The following RTKN2 variants were observed in gnomAD, a reference collection of about 807,000 sequenced individuals.
RTKN2 encodes the protein rhotekin-2.
In RTKN2, 69 loss-of-function variants were observed where a neutral mutation model predicts 71.5. The ratio of observed to expected loss-of-function variants is 0.96; its 90% CI spans 0.79 to 1.18. The LOEUF is 1.18. Ranked by LOEUF, RTKN2 falls within the 50% of genes most tolerant of loss-of-function variation. The probability of loss-of-function intolerance (pLI) is 0.00; values close to 1 mark genes in which losing one functional copy is unlikely to be tolerated. For missense variants in RTKN2, 724 were observed against 719.7 expected (o/e 1.01, Z -0.07); for synonymous variants, 236 against 236.5 (o/e 1.00, Z 0.02).
chr10:62,259,395 G>A (rs923510182), intron 2 of RTKN2: 1 of 236,392 alleles, frequency 4.2e-6, no homozygotes, highest in Non-Finnish European at 8.8e-6. Flanking sequence ...ACCTGGAAAG[G>A]CTGTTAATTA....
intron 10 of RTKN2, among the ~76,000 whole-genome samples, chr10:62,203,239 T>TTTAGTAAAA (rs1192012898): frequency 3.9e-5 from 6 of 152,196 alleles, no homozygotes; most frequent in Non-Finnish European, 7.4e-5. Context: ...ATAAGACGGA[T>TTTAGTAAAA]TCTCTAAGAC....
At position 62,194,773 on chromosome 10, in the gene RTKN2, G is replaced by GT. The variant is rs373260799; in HGVS notation, c.*3134dup. On this transcript the variant is annotated 3_prime_UTR_variant, in exon 12 of 12. Transcript: ENST00000373789. ...GACTGCTTAACCTACCTTACGTGAG[G>GT]TATCTCTAATTCAAGACAGCTTCCA... 7.3e-5 allele frequency: 72 copies of GT among 985,262 alleles called. No individual in the cohort carries two copies. The African/African-American group carries it at 1.2e-3, about 16-fold the overall frequency. 61.0% of individuals were successfully genotyped at this position (985,262 alleles called of 1,614,324 possible). A position where few individuals can be genotyped will look rare whatever the true frequency, so the allele number is the denominator to read the frequency against.
At chr10:62,201,875 A>C (rs1309181553) in intron 10 of RTKN2, among the ~76,000 whole-genome samples, 1 of 152,178 alleles carries the variant, frequency 6.6e-6, no homozygotes, top group Non-Finnish European at 1.5e-5. Context: ...ATGATAGCCA[A>C]TATGCTAACA....
chr10:62,224,940 G>A (rs937293088), intron 6 of RTKN2, among the ~76,000 whole-genome samples: 7 of 151,994 alleles, frequency 4.6e-5, no homozygotes, highest in Non-Finnish European at 1.0e-4. Flanking sequence ...GAAGAGGAGT[G>A]GATTTAATTC....
chr10:62,204,720 T>C (rs1841512457), intron 10 of RTKN2, 137 bp downstream of exon 10: 1 of 549,738 alleles, frequency 1.8e-6, no homozygotes, highest in Non-Finnish European at 3.1e-6. Flanking sequence ...CATCAGTGCA[T>C]TGATGATATA....
At chr10:62,184,302 C>T in exon 9 of RTKN2, 1 of 1,477,100 alleles carries the variant, frequency 6.8e-7, no homozygotes, top group Non-Finnish European at 9.2e-7. Context: ...CACACTGGTT[C>T]TAATGAAGTA....
At chr10:62,241,947 C>T (rs1039718362) in intron 3 of RTKN2, among the ~76,000 whole-genome samples, 2 of 152,040 alleles carry the variant, frequency 1.3e-5, no homozygotes, top group Non-Finnish European at 2.9e-5. Flanking sequence ...GATCCGCCTG[C>T]CTAGGCCTCC....
At chr10:62,199,933 A>T in intron 10 of RTKN2, 72 bp from the exon 11 acceptor site, 1 of 934,072 alleles carries the variant, frequency 1.1e-6, no homozygotes, top group Admixed American at 2.2e-5. Flanking sequence ...TTTTTAATAG[A>T]TAGCAATACA....
Position 62,210,225 on chromosome 10 carries a change from A to G in RTKN2, c.1021-5203T>C, listed in dbSNP as rs560192487. Among the ~76,000 whole-genome samples, 6 of 152,340 alleles carry G rather than the reference A, an allele frequency of 3.9e-5. No homozygotes were observed. In the South Asian group the frequency reaches 1.2e-3, roughly 32 times the overall value. Reference sequence around the variant, plus strand: ...AAAGACTGCCTGGATTTTTAACGATATATTAACTACATATAATTATATCTA... The same window carrying G: ...AAAGACTGCCTGGATTTTTAACGATGTATTAACTACATATAATTATATCTA... On this transcript the variant is annotated intron_variant, in intron 9 of 11. Transcript: ENST00000373789.
intron 4 of RTKN2, among the ~76,000 whole-genome samples, chr10:62,240,039 T>C (rs1842341361): frequency 6.6e-6 from 1 of 152,144 alleles, no homozygotes; most frequent in Non-Finnish European, 1.5e-5. Context: ...ATTTTATTCC[T>C]ATTAAACTTC....
intron 6 of RTKN2, among the ~76,000 whole-genome samples, chr10:62,227,810 G>A (rs978203340): frequency 6.6e-6 from 1 of 152,186 alleles, no homozygotes; most frequent in African/African-American, 2.4e-5. Context: ...ATAGAACGGT[G>A]GTGGTGGGGT....
chr10:62,220,597 T>C (rs1414565402), intron 7 of RTKN2, among the ~76,000 whole-genome samples: 1 of 152,090 alleles, frequency 6.6e-6, no homozygotes, highest in Non-Finnish European at 1.5e-5. Context: ...AAGACTAACA[T>C]AGGTTTAACA....
chr10:62,185,251 G>A (rs1410061396), intron 8 of RTKN2, among the ~76,000 whole-genome samples: 1 of 151,588 alleles, frequency 6.6e-6, no homozygotes, highest in Non-Finnish European at 1.5e-5. Flanking sequence ...AAGTTGACTG[G>A]TACTCAGGCA....
At chr10:62,188,914 A>AT (rs1383366786), downstream of RTKN2, among the ~76,000 whole-genome samples, 1 of 151,356 alleles carries the variant, frequency 6.6e-6, no homozygotes, top group African/African-American at 2.4e-5. Flanking sequence ...CGCCTGGCTA[A>AT]TTTTTTGTAT....
Position 62,204,855 on chromosome 10 carries a change from A to T in RTKN2, c.1186+2T>A, listed in dbSNP as rs1415726719. The T allele has an allele frequency of 6.4e-7, 1 of 1,557,350 alleles. No homozygotes were observed. The highest frequency in any genetic ancestry group is 8.6e-7 in the Non-Finnish European group (1 of 1,158,410). On this transcript the variant is annotated splice_donor_variant, in intron 10 of 11. Coordinates refer to ENST00000373789, the MANE Select transcript of RTKN2 (RefSeq NM_145307.4). LOFTEE classifies it high-confidence loss of function. ...ACTAAAAAAATCCAAATATCTATTT[A>T]CTAAGATCAAAGAAATGCTGCCAGA...
At chr10:62,185,843 A>G (rs1841127023) in intron 8 of RTKN2, among the ~76,000 whole-genome samples, 1 of 152,056 alleles carries the variant, frequency 6.6e-6, no homozygotes, top group Non-Finnish European at 1.5e-5. Context: ...GCCCAGAACA[A>G]CCTCTGGGGT....
At chr10:62,218,442 AT>A (rs1306460485) in intron 7 of RTKN2, 141 bp from the exon 8 acceptor site, 6 of 570,842 alleles carry the variant, frequency 1.1e-5, no homozygotes, top group Non-Finnish European at 1.8e-5. Context: ...TCATGTAAAG[AT>A]TCATCCTACC....
At chr10:62,231,537 C>A (rs1024005559) in intron 6 of RTKN2, among the ~76,000 whole-genome samples, 4 of 152,188 alleles carry the variant, frequency 2.6e-5, no homozygotes, top group African/African-American at 9.6e-5. Context: ...TTAAAACATT[C>A]TTGTCAGGAT....
intron 6 of RTKN2, among the ~76,000 whole-genome samples, chr10:62,234,469 C>A (rs1842213898): frequency 6.9e-6 from 1 of 144,458 alleles, no homozygotes; most frequent in Non-Finnish European, 1.5e-5. Context: ...GCACTCCAGA[C>A]TGGGCAACAG....
Sources: gnomAD v4.1 joint callset for allele counts (sites outside exome capture counted in the v4.1 genomes callset) on GRCh38, gnomAD v4.1.1 for gene constraint, MANE v1.5 for transcripts, NCBI Gene and HGNC (gene_info 2026-07-23, HGNC 2026-07-21) for gene names.